Variants in AREL1 observed in about 807,000 individuals in gnomAD.
AREL1 encodes apoptosis-resistant E3 ubiquitin protein ligase 1.
In AREL1, 62 loss-of-function variants were observed where a neutral mutation model predicts 99.0. The ratio of observed to expected loss-of-function variants is 0.63; its 90% CI spans 0.51 to 0.77. The LOEUF (loss-of-function observed/expected upper bound fraction) is 0.77. AREL1 is among the 30% of genes least tolerant of loss of function. The pLI is 0.00. For synonymous variants in AREL1, 380 were observed against 376.5 expected, an observed-to-expected ratio of 1.01 and a Z score of -0.11; for missense variants, 879 against 1,027.6, an observed-to-expected ratio of 0.86 and a Z score of 1.98.
At chr14:74,675,538 T>C (rs912922055) in intron 8 of AREL1, among the ~76,000 whole-genome samples, 161 bp downstream of exon 8, 5 of 152,198 alleles carry the variant, frequency 3.3e-5, no homozygotes, top group South Asian at 2.1e-4. Context: ...GTAATTTTTA[T>C]GCTAGCAAGA....
At position 74,661,736 on chromosome 14, in the gene AREL1, G is replaced by A. The variant is rs11537958; in HGVS notation, c.*1984C>T. 386 of 158,648 alleles carry A rather than the reference G, an allele frequency of 2.4e-3. No individual in the cohort carries two copies. The highest frequency in any genetic ancestry group is 4.3e-3 in the Non-Finnish European group (310 of 72,222). The allele number at this position is 158,648 out of a possible 1,614,324, so 9.8% of individuals were successfully genotyped here. A position where few individuals can be genotyped will look rare whatever the true frequency, so the allele number is the denominator to read the frequency against. On this transcript the variant is annotated 3_prime_UTR_variant, in exon 20 of 20. Coordinates refer to ENST00000356357, the MANE Select transcript of AREL1 (RefSeq NM_001039479.2). ...TGTTTAACAAAGACTGGTGCCTAAG[G>A]ACCACCACAGGGATGCAGCTTCCCT...
intron 1 of AREL1, among the ~76,000 whole-genome samples, chr14:74,694,917 A>T (rs960630690): frequency 6.5e-5 from 9 of 138,930 alleles, no homozygotes; most frequent in African/African-American, 2.4e-4. Context: ...TGAACCCGGG[A>T]GGCGGAGTTT....
In AREL1 at chr14:74,671,496, G is replaced by A. The variant is rs2089344603; in HGVS notation, c.1423-13C>T. On this transcript the variant is annotated splice_polypyrimidine_tract_variant and intron_variant, in intron 11 of 19. Coordinates refer to ENST00000356357, the MANE Select transcript of AREL1 (RefSeq NM_001039479.2). ...TGGCTTTCAGAGACTGAAAAGAAGT[G>A]AAAGGAAGGGAATTGTCAGAACACT... 3.2e-6 allele frequency: 5 copies of A among 1,564,770 alleles called. No individual in the cohort carries two copies. The African/African-American group carries it at 4.1e-5, about 13-fold the overall frequency.
At chr14:74,681,728 C>G (rs1288238789) in intron 5 of AREL1, among the ~76,000 whole-genome samples, 2 of 150,428 alleles carry the variant, frequency 1.3e-5, no homozygotes, top group Non-Finnish European at 3.0e-5. Context: ...CAAGATGGCA[C>G]CACTACACTC....
intron 5 of AREL1, chr14:74,678,412 C>G: frequency 3.6e-6 from 1 of 280,674 alleles, no homozygotes; most frequent in Non-Finnish European, 7.0e-6. Flanking sequence ...GCAGGAGGAT[C>G]ACTTGAACCC....
chr14:74,670,979 T>C (rs2139871162), intron 12 of AREL1, 108 bp from the exon 13 acceptor site: 1 of 809,670 alleles, frequency 1.2e-6, no homozygotes, highest in Non-Finnish European at 2.0e-6. Flanking sequence ...ATTGTACTAC[T>C]CTGGTGTTTC....
chr14:74,685,559 T>C (rs1181197389), intron 3 of AREL1, 41 bp downstream of exon 3: 1 of 1,612,574 alleles, frequency 6.2e-7, no homozygotes, highest in Non-Finnish European at 8.5e-7. Context: ...CCAAGCAACC[T>C]TTACAAAAAT....
intron 1 of AREL1, chr14:74,698,776 C>A (rs1191706408): frequency 8.4e-6 from 2 of 236,716 alleles, no homozygotes; most frequent in Admixed American, 4.1e-5. Flanking sequence ...GTAATCCCAG[C>A]ACTTTGGGAG....
intron 1 of AREL1, among the ~76,000 whole-genome samples, chr14:74,708,058 T>A (rs1250212630): frequency 6.6e-6 from 1 of 152,158 alleles, no homozygotes; most frequent in Non-Finnish European, 1.5e-5. Context: ...GAGAAACTTG[T>A]GAAATCCAAA....
rs200106908 is a variant in AREL1 at position 74,692,265 on chromosome 14, A to G, written c.-270T>C. 15 of 456,636 alleles carry G rather than the reference A, an allele frequency of 3.3e-5. No individual in the cohort carries two copies. The highest frequency in any genetic ancestry group is 2.1e-4 in the East Asian group (3 of 14,388). 28.3% of individuals were successfully genotyped at this position (456,636 alleles called of 1,614,324 possible). A position where few individuals can be genotyped will look rare whatever the true frequency, so the allele number is the denominator to read the frequency against. On this transcript the variant is annotated 5_prime_UTR_variant, in exon 2 of 20. Coordinates refer to ENST00000356357, the MANE Select transcript of AREL1 (RefSeq NM_001039479.2). Reference sequence around the variant, plus strand: ...GGGTAGAGAAATACAGCCCAAGAATATATCATTCCTGGACTTCTCTCTAGT... The same window carrying G: ...GGGTAGAGAAATACAGCCCAAGAATGTATCATTCCTGGACTTCTCTCTAGT...
Position 74,671,408 on chromosome 14 carries a change from C to T in AREL1, c.1498G>A (p.Ala500Thr). Residue 500 changes from alanine (A) to threonine (T), a missense_variant and splice_region_variant, in exon 12 of 20, where the codon GCT becomes ACT. Ala to Thr is a moderately conservative substitution (Grantham distance 58). Transcript: ENST00000356357. ...ATGAATATAAAATTTCAAAACTGACCTTCTTCATCCTGGAAAACAACCTCA... is the reference window on the plus strand; with the variant it reads ...ATGAATATAAAATTTCAAAACTGACTTTCTTCATCCTGGAAAACAACCTCA... ...NFEVVFQDEE[A>T]LDWGGPRREW... 2 of 1,416,414 alleles carry T rather than the reference C, an allele frequency of 1.4e-6. No individual in the cohort carries two copies. The highest frequency in any genetic ancestry group is 2.4e-5 in the South Asian group (2 of 82,946). 87.7% of individuals were successfully genotyped at this position (1,416,414 alleles called of 1,614,324 possible).
At chr14:74,692,423 T>A in intron 1 of AREL1, 95 bp from the exon 2 acceptor site, 1 of 352,190 alleles carries the variant, frequency 2.8e-6, no homozygotes, top group Non-Finnish European at 5.5e-6. Flanking sequence ...GAACAGGCAG[T>A]GGAAACCCTG....
chr14:74,675,207 A>G (rs777182135), intron 8 of AREL1, among the ~76,000 whole-genome samples: 52 of 152,330 alleles, frequency 3.4e-4, no homozygotes, highest in Middle Eastern at 3.4e-3. Flanking sequence ...AGATTTTTAA[A>G]TGAAGAATGG....
chr14:74,664,454 T>C (rs1442118577), intron 18 of AREL1, among the ~76,000 whole-genome samples: 2 of 139,572 alleles, frequency 1.4e-5, no homozygotes, highest in Admixed American at 7.1e-5. Flanking sequence ...CTTTCTTTTT[T>C]TTTTTTTTTT....
At chr14:74,696,978 A>C (rs1213932085) in intron 1 of AREL1, among the ~76,000 whole-genome samples, 1 of 152,054 alleles carries the variant, frequency 6.6e-6, no homozygotes, top group Non-Finnish European at 1.5e-5. Flanking sequence ...AATAAAATAA[A>C]ATAATAAAAT....
rs760114364 is a variant in AREL1 at position 74,713,057 on chromosome 14, G to A, written c.-458C>T. 2.0e-6 allele frequency: 3 copies of A among 1,508,262 alleles called. No homozygotes were observed. Among genetic ancestry groups the A allele is most frequent in the Non-Finnish European group, 1.8e-6 (2 of 1,084,724 alleles). The allele number at this position is 1,508,262 out of a possible 1,614,324, so 93.4% of individuals were successfully genotyped here. ...AGACCCCAGAGTTGGTCTCCACCCGGCCTGGGAACCGGCTCGGGGGATTGC... is the reference window on the plus strand; with the variant it reads ...AGACCCCAGAGTTGGTCTCCACCCGACCTGGGAACCGGCTCGGGGGATTGC... On this transcript the variant is annotated 5_prime_UTR_variant, in exon 1 of 20. Coordinates refer to ENST00000356357, the MANE Select transcript of AREL1 (RefSeq NM_001039479.2).
rs1051934299 is a variant in AREL1, at chr14:74,696,022, C to T, written c.-333-3694G>A. On this transcript the variant is annotated intron_variant, in intron 1 of 19. Coordinates refer to ENST00000356357, the MANE Select transcript of AREL1 (RefSeq NM_001039479.2). Reference sequence around the variant, plus strand: ...AGTCAGCAAGCCAAATCCTAACAGCCGCCTGTTTTTGTGAAAACAGCCAAG... The same window carrying T: ...AGTCAGCAAGCCAAATCCTAACAGCTGCCTGTTTTTGTGAAAACAGCCAAG... Among the ~76,000 whole-genome samples, 66 of 152,138 alleles carry T rather than the reference C, an allele frequency of 4.3e-4. 1 individual carries two copies. Among genetic ancestry groups the T allele is most frequent in the African/African-American group, 1.5e-3 (64 of 41,406 alleles).
rs2089138358 is a variant in AREL1, at chr14:74,663,714, G to A, written c.*6C>T. 6.2e-7 allele frequency: 1 copy of A among 1,613,320 alleles called. No homozygotes were observed. Among genetic ancestry groups the A allele is most frequent in the Non-Finnish European group, 8.5e-7 (1 of 1,179,800 alleles). On this transcript the variant is annotated 3_prime_UTR_variant, in exon 20 of 20. Transcript: ENST00000356357. ...CATGGGAGCCAACTGGATGACAGGA[G>A]AGTGGTCAGAGCATGCCAAAGCCCT...
At chr14:74,692,724 G>A (rs765502562) in intron 1 of AREL1, among the ~76,000 whole-genome samples, 1 of 152,122 alleles carries the variant, frequency 6.6e-6, no homozygotes, top group Non-Finnish European at 1.5e-5. Flanking sequence ...TTGTTTTTGA[G>A]ACAGGGTCTT....
Sources: gnomAD v4.1 joint callset for allele counts (sites outside exome capture counted in the v4.1 genomes callset) on GRCh38, gnomAD v4.1.1 for gene constraint, MANE v1.5 for transcripts, NCBI Gene and HGNC (gene_info 2026-07-23, HGNC 2026-07-21) for gene names.